TCP11L2: variants seen among roughly 807,000 people sequenced by gnomAD.
TCP11L2 encodes the protein t-complex 11 like 2.
TCP11L2 carries 39 observed loss-of-function variants against 50.7 expected under a neutral mutation model. The observed-to-expected ratio is 0.77, with a 90% CI of 0.60 to 1.01. The LOEUF is 1.01. Among genes scored for constraint, TCP11L2 ranks in the 50% least tolerant of loss-of-function variants. The pLI, the probability that TCP11L2 is intolerant of heterozygous loss-of-function variation, is 0.00. For missense variants in TCP11L2, 612 were observed against 614.7 expected, an observed-to-expected ratio of 1.00 and a Z score of 0.05; for synonymous variants, 192 against 219.3, an observed-to-expected ratio of 0.88 and a Z score of 1.10.
At chr12:106,314,281 C>A in intron 2 of TCP11L2, 77 bp from the exon 3 acceptor site, 2 of 1,471,530 alleles carry the variant, frequency 1.4e-6, no homozygotes, top group Admixed American at 1.9e-5. Flanking sequence ...ATAAATTAAA[C>A]CTTATCTGCA....
At chr12:106,318,554 A>G in intron 4 of TCP11L2, 90 bp downstream of exon 4, 1 of 1,515,458 alleles carries the variant, frequency 6.6e-7, no homozygotes, top group African/African-American at 1.4e-5. Flanking sequence ...CTTATAAACA[A>G]TAGAAATTTA....
rs763209722 is a variant in TCP11L2 at position 106,346,393 on chromosome 12, G to A, written c.1423G>A (p.Ala475Thr). The A allele has an allele frequency of 6.2e-6, 10 of 1,614,154 alleles. No homozygotes were observed. In the Middle Eastern group the frequency reaches 4.9e-4, roughly 80 times the overall value. ...AGCTGTCATTCAGCAGGAGCTAGAA[G>A]CCCTAGGCTCTCAATATGCAAACAT... ...GLAVIQQELE[A>T]LGSQYANIVN... Residue 475 changes from alanine to threonine, a missense_variant, in exon 10 of 10, where the codon GCC (alanine) becomes ACC (threonine). Transcript: ENST00000299045.
At chr12:106,322,450 C>T (rs1248148769) in intron 5 of TCP11L2, among the ~76,000 whole-genome samples, 1 of 152,142 alleles carries the variant, frequency 6.6e-6, no homozygotes, top group Non-Finnish European at 1.5e-5. Context: ...TTTTCACAGC[C>T]ACAAATTTGC....
chr12:106,302,304 C>G (rs555448486), upstream of TCP11L2, among the ~76,000 whole-genome samples: 8 of 116,884 alleles, frequency 6.8e-5, no homozygotes, highest in African/African-American at 2.7e-4. Context: ...CCCCAGAGCC[C>G]CGCTCAGCCC....
At chr12:106,327,190 T>C (rs1301637911) in intron 6 of TCP11L2, among the ~76,000 whole-genome samples, 1 of 152,192 alleles carries the variant, frequency 6.6e-6, no homozygotes, top group African/African-American at 2.4e-5. Context: ...CCTTCTTTTT[T>C]TTCCCCCCTG....
intron 2 of TCP11L2, chr12:106,312,151 C>T (rs1325519105): frequency 5.6e-6 from 2 of 355,018 alleles, no homozygotes; most frequent in Non-Finnish European, 1.1e-5. Flanking sequence ...AACATTTACT[C>T]ATGATTACAT....
In TCP11L2 at chr12:106,346,906, A is replaced by C; in HGVS notation, c.*376A>C. ...TTCTCACTTGTTATTATCAAACCTA[A>C]TGGTTTTTAATTTTGGTACAACTCC... is the stretch of plus-strand genomic sequence containing the variant. On this transcript the variant is annotated 3_prime_UTR_variant, in exon 10 of 10. Coordinates refer to ENST00000299045, the MANE Select transcript of TCP11L2 (RefSeq NM_152772.3). 6.1e-6 allele frequency: 1 copy of C among 164,838 alleles called. No homozygotes were observed. The highest frequency in any genetic ancestry group is 1.3e-5 in the Non-Finnish European group (1 of 76,290). 10.2% of individuals were successfully genotyped at this position (164,838 alleles called of 1,614,324 possible). A position where few individuals can be genotyped will look rare whatever the true frequency, so the allele number is the denominator to read the frequency against.
chr12:106,315,044 G>A (rs943953759), intron 3 of TCP11L2, among the ~76,000 whole-genome samples: 34 of 149,366 alleles, frequency 2.3e-4, no homozygotes, highest in African/African-American at 6.9e-4. Flanking sequence ...TGACCAGCCC[G>A]GCCAACGTGG....
chr12:106,314,331 A>G (rs764765433), intron 2 of TCP11L2, 27 bp from the exon 3 acceptor site: 26 of 1,591,942 alleles, frequency 1.6e-5, no homozygotes, highest in Non-Finnish European at 2.2e-5. Context: ...CTTCTGCAAC[A>G]TTAACTGGCT....
chr12:106,335,990 G>A (rs2035905403), intron 7 of TCP11L2, 42 bp from the exon 8 acceptor site: 2 of 1,532,696 alleles, frequency 1.3e-6, no homozygotes, highest in Non-Finnish European at 8.8e-7. Context: ...TCATGCTATT[G>A]AGCTACCCTT....
In TCP11L2 at chr12:106,340,986, T is replaced by G. The variant is rs780790192; in HGVS notation, c.1303T>G (p.Trp435Gly). 3.7e-6 allele frequency: 6 copies of G among 1,601,678 alleles called. No individual in the cohort carries two copies. In the East Asian group the frequency reaches 8.9e-5, roughly 24 times the overall value. Residue 435 changes from tryptophan to glycine, a missense_variant, in exon 9 of 10, where the codon TGG (tryptophan) becomes GGG (glycine). Coordinates refer to ENST00000299045, the MANE Select transcript of TCP11L2 (RefSeq NM_152772.3). Reference sequence around the variant, plus strand: ...CATTGAAGAGGAGGACAATCCTATCTGGTCCTTGATTGGTGAGTCCTTTTA... The same window carrying G: ...CATTGAAGAGGAGGACAATCCTATCGGGTCCTTGATTGGTGAGTCCTTTTA... ...SSIEEEDNPI[W>G]SLIDKRIKLY...
At chr12:106,329,285 G>A (rs1029510836) in intron 6 of TCP11L2, 32 of 1,535,778 alleles carry the variant, frequency 2.1e-5, no homozygotes, top group South Asian at 9.5e-5. Flanking sequence ...AGTGGTTTTC[G>A]TCAAATAAAC....
At chr12:106,345,994 CA>C (rs1245054945) in intron 9 of TCP11L2, among the ~76,000 whole-genome samples, 1 of 152,168 alleles carries the variant, frequency 6.6e-6, no homozygotes, top group Non-Finnish European at 1.5e-5. Flanking sequence ...TGGACATGAA[CA>C]AGAGTGGCCT....
chr12:106,335,563 A>G, intron 6 of TCP11L2, 76 bp from the exon 7 acceptor site: 1 of 1,471,860 alleles, frequency 6.8e-7, no homozygotes, highest in Non-Finnish European at 9.3e-7. Context: ...CACCCAACAC[A>G]GCATCTGTCA....
At chr12:106,313,688 A>G (rs938737656) in intron 2 of TCP11L2, among the ~76,000 whole-genome samples, 1 of 151,692 alleles carries the variant, frequency 6.6e-6, no homozygotes, top group Non-Finnish European at 1.5e-5. Flanking sequence ...ACAGAATAAA[A>G]ATAATTTTAT....
rs1374390314 is a variant in TCP11L2 at position 106,346,496 on chromosome 12, T to C, written c.1526T>C (p.Met509Thr). 1.7e-5 allele frequency: 28 copies of C among 1,613,862 alleles called. No homozygotes were observed. The Admixed American group carries it at 4.2e-4, about 24-fold the overall frequency. The change falls in exon 10 of 10, where the codon ATG (methionine) becomes ACG (threonine). Residue 509 changes from methionine to threonine, a missense_variant. Physicochemically the swap from Met to Thr is moderately conservative, Grantham distance 81 (BLOSUM62 -1). Transcript: ENST00000299045. ...AAGCTGCTCTTCAATGAGGAAGCCA[T>C]GGGGAAGGTAGATGCTTCACCTCCT... The part of the protein sequence containing the change: ...LRKLLFNEEA[M>T]GKVDASPPTN
At position 106,318,378 on chromosome 12, in the gene TCP11L2, G is replaced by A. The variant is rs1440118202; in HGVS notation, c.328G>A (p.Ala110Thr). Residue 110 changes from alanine (A) to threonine (T), a missense_variant, in exon 4 of 10, where the codon GCC becomes ACC. Ala to Thr is a moderately conservative substitution (Grantham distance 58). Transcript: ENST00000299045. ...AGRVKHIVHQ[A>T]FWDVLDSELN... ...TCGAGTGAAGCACATTGTTCACCAG[G>A]CCTTCTGGGACGTCTTGGATTCAGA... The A allele has an allele frequency of 6.2e-7, 1 of 1,613,952 alleles. No individual in the cohort carries two copies. Among genetic ancestry groups the A allele is most frequent in the Non-Finnish European group, 8.5e-7 (1 of 1,179,868 alleles).
intron 8 of TCP11L2, among the ~76,000 whole-genome samples, chr12:106,336,428 G>C (rs1429133650): frequency 1.3e-5 from 2 of 152,088 alleles, no homozygotes; most frequent in African/African-American, 4.8e-5. Flanking sequence ...ACAAGTGCCA[G>C]GGTGAGTGTA....
chr12:106,300,399 G>A (rs964698587), upstream of TCP11L2, among the ~76,000 whole-genome samples: 4 of 152,098 alleles, frequency 2.6e-5, no homozygotes, highest in Admixed American at 1.3e-4. Flanking sequence ...GCGTGATCTC[G>A]GCTCACTGCA....
Sources: gnomAD v4.1 joint callset for allele counts (sites outside exome capture counted in the v4.1 genomes callset) on GRCh38, gnomAD v4.1.1 for gene constraint, MANE v1.5 for transcripts, NCBI Gene and HGNC (gene_info 2026-07-23, HGNC 2026-07-21) for gene names.